The following NFIB variants were observed in gnomAD, a reference collection of about 807,000 sequenced individuals.
NFIB encodes the protein nuclear factor I B.
NFIB carries 11 observed loss-of-function variants against 61.5 expected under a neutral mutation model. The ratio of observed to expected loss-of-function variants is 0.18; its 90% CI spans 0.11 to 0.30. The LOEUF (loss-of-function observed/expected upper bound fraction) is 0.30, where lower values mean the gene tolerates loss of function less well. Ranked by LOEUF, NFIB falls within the 10% of genes least tolerant of loss-of-function variation. The pLI is 1.00. For missense variants in NFIB, 471 were observed against 608.9 expected (o/e 0.77, Z 2.38); for synonymous variants, 260 against 216.5 (o/e 1.20, Z -1.76).
chr9:14,299,990 T>C (rs41405149), intron 2 of NFIB, among the ~76,000 whole-genome samples: 2,130 of 152,324 alleles, frequency 0.014, 30 homozygotes, highest in African/African-American at 0.03. Context: ...TTAGTCTCAC[T>C]CTAACGTTCA....
chr9:14,186,833 G>C (rs896113725), intron 2 of NFIB, among the ~76,000 whole-genome samples: 1 of 151,706 alleles, frequency 6.6e-6, no homozygotes, highest in Non-Finnish European at 1.5e-5. Context: ...TCATTGCTTT[G>C]GGTGACACAA....
At chr9:14,273,887 G>T (rs897639128) in intron 2 of NFIB, among the ~76,000 whole-genome samples, 1 of 152,110 alleles carries the variant, frequency 6.6e-6, no homozygotes, top group African/African-American at 2.4e-5. Context: ...TGGTGCCCCC[G>T]AAATTGTTCA....
At chr9:14,315,097 G>T (rs947578694), upstream of NFIB, among the ~76,000 whole-genome samples, 1 of 152,122 alleles carries the variant, frequency 6.6e-6, no homozygotes, top group Admixed American at 6.5e-5. Context: ...CCGAGCAGGC[G>T]GGGACCTGAG....
rs570774899 is a variant in NFIB, at chr9:14,116,285, G to A, written c.1307C>T (p.Pro436Leu). Residue 436 changes from proline to leucine, a missense_variant, in exon 9 of 11, where the codon CCC becomes CTC. Pro to Leu is a moderately conservative substitution (Grantham distance 98). Transcript: ENST00000380953. Reference sequence around the variant, plus strand: ...TCGCACTGCACTGGGATGGGGAGAGGGTGCCAAGACAGGAGTGAAATGGCC... The same window carrying A: ...TCGCACTGCACTGGGATGGGGAGAGAGTGCCAAGACAGGAGTGAAATGGCC... ...VPGHFTPVLA[P>L]SPHPSAVRPV... The A allele has an allele frequency of 2.6e-6, 4 of 1,538,106 alleles. No homozygotes were observed. In the South Asian group the frequency reaches 4.9e-5, roughly 19 times the overall value.
At chr9:14,378,655 C>T (rs1307760936) in intron 1 of NFIB, among the ~76,000 whole-genome samples, 1 of 152,108 alleles carries the variant, frequency 6.6e-6, no homozygotes, top group Non-Finnish European at 1.5e-5. Context: ...ACACCCAGCC[C>T]CAATTACTTT....
intron 1 of NFIB, among the ~76,000 whole-genome samples, chr9:14,349,772 T>C (rs574563606): frequency 6.6e-6 from 1 of 152,260 alleles, no homozygotes; most frequent in South Asian, 2.1e-4. Context: ...AAAAAGAATT[T>C]ATTAGTGACA....
chr9:14,358,171 ATAAT>A (rs1354388518), intron 1 of NFIB, among the ~76,000 whole-genome samples: 7 of 150,894 alleles, frequency 4.6e-5, no homozygotes, highest in African/African-American at 1.7e-4. Context: ...GTTTATTTAC[ATAAT>A]TAATATCTAT....
chr9:14,253,373 G>C (rs1194570462), intron 2 of NFIB, among the ~76,000 whole-genome samples: 1 of 152,192 alleles, frequency 6.6e-6, no homozygotes, highest in Non-Finnish European at 1.5e-5. Flanking sequence ...TAATTTCACA[G>C]TTCTCGAGAT....
intron 2 of NFIB, among the ~76,000 whole-genome samples, chr9:14,207,411 T>G (rs1024745190): frequency 4.5e-5 from 6 of 132,702 alleles, no homozygotes; most frequent in African/African-American, 1.5e-4. Context: ...TGGAGGCCAC[T>G]GACTGTGGGG....
At chr9:14,152,703 T>C (rs746539983) in intron 4 of NFIB, among the ~76,000 whole-genome samples, 3 of 152,160 alleles carry the variant, frequency 2.0e-5, no homozygotes, top group Non-Finnish European at 4.4e-5. Flanking sequence ...TTGTAGTAAA[T>C]GATAATTTTA....
At chr9:14,416,476 TA>T in the NFIB span, among the ~76,000 whole-genome samples, 2 of 151,408 alleles carry the variant, frequency 1.3e-5, no homozygotes, top group Non-Finnish European at 2.9e-5. Context: ...AGGCCCAGGC[TA>T]ATGTGTGTGT....
In NFIB at chr9:14,266,564, C is replaced by T. The variant is rs1472291773; in HGVS notation, c.562+40425G>A. Among the ~76,000 whole-genome samples the T allele has an allele frequency of 3.3e-5, 5 of 151,774 alleles. No homozygotes were observed. In the East Asian group the frequency reaches 5.8e-4, roughly 18 times the overall value. ...GAGCCACGGTCTTGTCTCTGTACTC[C>T]AGCCTAGACAATAGAGCAAGACCTT... On this transcript the variant is annotated intron_variant, in intron 2 of 10. Transcript: ENST00000380953.
chr9:14,435,788 G>C, the NFIB span, among the ~76,000 whole-genome samples: 1,520 of 152,286 alleles, frequency 1.0e-2, 20 homozygotes, highest in African/African-American at 0.033. Flanking sequence ...GTGTTTAAAA[G>C]GAAGGTGGGC....
At chr9:14,400,689 A>G (rs1046574673), upstream of NFIB, among the ~76,000 whole-genome samples, 2 of 152,236 alleles carry the variant, frequency 1.3e-5, no homozygotes, top group African/African-American at 4.8e-5. Flanking sequence ...CATCTCAGGA[A>G]GAAGAAAAGC....
intron 2 of NFIB, among the ~76,000 whole-genome samples, chr9:14,306,531 A>G (rs1044216299): frequency 6.6e-6 from 1 of 152,182 alleles, no homozygotes; most frequent in African/African-American, 2.4e-5. Flanking sequence ...GTTCATAAAC[A>G]AAGTCCCTCT....
intron 2 of NFIB, among the ~76,000 whole-genome samples, chr9:14,298,287 G>A (rs1037148092): frequency 6.6e-6 from 1 of 151,930 alleles, no homozygotes; most frequent in Non-Finnish European, 1.5e-5. Context: ...TTTTCACATC[G>A]GTAACCAACA....
At chr9:14,339,983 G>GGA (rs1208332094) in intron 1 of NFIB, among the ~76,000 whole-genome samples, 2 of 152,194 alleles carry the variant, frequency 1.3e-5, no homozygotes, top group African/African-American at 4.8e-5. Flanking sequence ...CCGTAAGGCT[G>GGA]GAGTATATAG....
chr9:14,344,498 A>G (rs1051453844), intron 1 of NFIB, among the ~76,000 whole-genome samples: 4 of 152,110 alleles, frequency 2.6e-5, no homozygotes, highest in African/African-American at 4.8e-5. Context: ...CTTCTTTCCC[A>G]GACACTGGGC....
chr9:14,403,095 G>C (rs1295927093), upstream of NFIB, among the ~76,000 whole-genome samples: 2 of 152,148 alleles, frequency 1.3e-5, no homozygotes, highest in East Asian at 3.9e-4. Flanking sequence ...CTTATGCATT[G>C]TTTGAGCAGA....
Sources: allele counts gnomAD v4.1 joint callset (sites outside exome capture counted in the v4.1 genomes callset), GRCh38; gene constraint gnomAD v4.1.1; transcripts MANE v1.5; gene names NCBI Gene and HGNC (gene_info 2026-07-23, HGNC 2026-07-21).